DAB1: variants seen among roughly 807,000 people sequenced by gnomAD.
DAB1 encodes DAB adaptor protein 1, also known as disabled homolog 1.
Under a neutral mutation model 64.6 loss-of-function variants are expected in DAB1, and 15 were observed. The ratio of observed to expected loss-of-function variants is 0.23; its 90% confidence interval spans 0.16 to 0.36. DAB1 has a LOEUF of 0.36. DAB1 is among the 10% of genes least tolerant of loss of function. The pLI is 1.00. For synonymous variants in DAB1, 235 were observed against 251.9 expected, an observed-to-expected ratio of 0.93 and a Z score of 0.64; for missense variants, 596 against 706.7, an observed-to-expected ratio of 0.84 and a Z score of 1.78.
chr1:57,125,844 G>A (rs781075884), intron 4 of DAB1, among the ~76,000 whole-genome samples: 4 of 152,162 alleles, frequency 2.6e-5, no homozygotes, highest in Non-Finnish European at 5.9e-5. Flanking sequence ...GGAGATGGTA[G>A]TTTAGAGTTC....
chr1:58,514,651 G>C (rs961987620), intron 2 of DAB1, among the ~76,000 whole-genome samples: 3 of 152,106 alleles, frequency 2.0e-5, no homozygotes, highest in Non-Finnish European at 4.4e-5. Context: ...ATAATCATCT[G>C]AGACAATACT....
At chr1:58,285,444 C>G (rs1661659663) in intron 4 of DAB1, among the ~76,000 whole-genome samples, 1 of 152,144 alleles carries the variant, frequency 6.6e-6, no homozygotes, top group East Asian at 1.9e-4. Context: ...TGTCTCAGCC[C>G]TAAAGCTTCT....
intron 1 of DAB1, among the ~76,000 whole-genome samples, chr1:57,379,405 T>C (rs1047180883): frequency 2.0e-5 from 3 of 152,194 alleles, no homozygotes; most frequent in Non-Finnish European, 4.4e-5. Context: ...GACTAAAGCA[T>C]GAACCACCAT....
chr1:58,509,187 G>T (rs1646035081), intron 2 of DAB1, among the ~76,000 whole-genome samples: 1 of 151,994 alleles, frequency 6.6e-6, no homozygotes, highest in African/African-American at 2.4e-5. Flanking sequence ...ATGTACCAAA[G>T]GATGAAGATA....
At chr1:58,499,685 T>C (rs893839640) in intron 3 of DAB1, among the ~76,000 whole-genome samples, 10 of 152,178 alleles carry the variant, frequency 6.6e-5, no homozygotes, top group Non-Finnish European at 1.3e-4. Flanking sequence ...TGTGAGGTGA[T>C]TAATATCTTA....
At chr1:57,398,141 T>G (rs1682957735) in intron 1 of DAB1, among the ~76,000 whole-genome samples, 1 of 152,176 alleles carries the variant, frequency 6.6e-6, no homozygotes, top group Admixed American at 6.5e-5. Flanking sequence ...ATTCATTCAG[T>G]CAACACTATC....
chr1:57,381,525 G>A (rs988150346), intron 1 of DAB1, among the ~76,000 whole-genome samples: 2 of 152,154 alleles, frequency 1.3e-5, no homozygotes, highest in East Asian at 3.9e-4. Context: ...CAGAATGCTT[G>A]CTGTGTTCTC....
At chr1:57,685,201 C>G (rs1400734427) in intron 6 of DAB1, among the ~76,000 whole-genome samples, 1 of 151,638 alleles carries the variant, frequency 6.6e-6, no homozygotes, top group African/African-American at 2.4e-5. Context: ...ATCTGCCCAC[C>G]TCGGCCTCCC....
chr1:58,086,347 C>T (rs1650314381), intron 5 of DAB1, among the ~76,000 whole-genome samples: 1 of 152,154 alleles, frequency 6.6e-6, no homozygotes, highest in Non-Finnish European at 1.5e-5. Flanking sequence ...TCATGACATA[C>T]ACACATTGTT....
chr1:57,127,955 C>G (rs1006914130), intron 4 of DAB1, among the ~76,000 whole-genome samples: 1 of 151,966 alleles, frequency 6.6e-6, no homozygotes, highest in African/African-American at 2.4e-5. Flanking sequence ...CGAGACCAGA[C>G]TAGCCAACAT....
chr1:57,908,747 G>A (rs951062783), intron 5 of DAB1, among the ~76,000 whole-genome samples: 8 of 152,250 alleles, frequency 5.3e-5, no homozygotes, highest in Non-Finnish European at 8.8e-5. Context: ...TCCCAGCTCC[G>A]GTCTGGCTGC....
At chr1:57,991,365 C>T (rs930370825) in intron 5 of DAB1, among the ~76,000 whole-genome samples, 2 of 152,144 alleles carry the variant, frequency 1.3e-5, no homozygotes, top group Non-Finnish European at 2.9e-5. Context: ...TTAAATTCAA[C>T]AAGCATCGAC....
At chr1:57,620,247 A>G (rs1645840087) in intron 7 of DAB1, among the ~76,000 whole-genome samples, 1 of 152,060 alleles carries the variant, frequency 6.6e-6, no homozygotes, top group Non-Finnish European at 1.5e-5. Flanking sequence ...CCACAGGAAA[A>G]TTTCACACAA....
chr1:57,016,329 C>G (rs1393280618), intron 11 of DAB1, among the ~76,000 whole-genome samples: 1 of 151,886 alleles, frequency 6.6e-6, no homozygotes, highest in East Asian at 1.9e-4. Context: ...TGCTTGTAAT[C>G]CTAGCACTTT....
intron 6 of DAB1, among the ~76,000 whole-genome samples, chr1:57,659,251 C>G (rs894946823): frequency 2.0e-5 from 3 of 152,156 alleles, no homozygotes; most frequent in Non-Finnish European, 4.4e-5. Context: ...CTTGGCAGAG[C>G]ACACCAGTAA....
intron 1 of DAB1, among the ~76,000 whole-genome samples, chr1:57,296,866 C>T (rs184227338): frequency 3.3e-4 from 50 of 152,282 alleles, no homozygotes; most frequent in Non-Finnish European, 5.6e-4. Flanking sequence ...TCAACAGATG[C>T]TAAGTCCGGG....
intron 4 of DAB1, among the ~76,000 whole-genome samples, chr1:57,103,742 C>T (rs758699329): frequency 6.6e-6 from 1 of 152,158 alleles, no homozygotes; most frequent in Non-Finnish European, 1.5e-5. Context: ...GGAAGAGAAT[C>T]ATGAACATGC....
intron 1 of DAB1, among the ~76,000 whole-genome samples, chr1:57,343,532 A>C (rs2100836529): frequency 6.6e-6 from 1 of 152,342 alleles, no homozygotes; most frequent in East Asian, 1.9e-4. Flanking sequence ...TCCGCCGCAC[A>C]AGAGCCCACG....
At chr1:58,335,207 C>G (rs1663084701) in intron 4 of DAB1, among the ~76,000 whole-genome samples, 1 of 152,126 alleles carries the variant, frequency 6.6e-6, no homozygotes, top group African/African-American at 2.4e-5. Flanking sequence ...GGTAGAAGGA[C>G]TAGCAAAGTC....
Sources: gnomAD v4.1 joint callset for allele counts (sites outside exome capture counted in the v4.1 genomes callset) on GRCh38, gnomAD v4.1.1 for gene constraint, MANE v1.5 for transcripts, NCBI Gene and HGNC (gene_info 2026-07-23, HGNC 2026-07-21) for gene names.